The following FGF1 variants were observed in gnomAD, a reference collection of about 807,000 sequenced individuals.
FGF1 encodes the protein fibroblast growth factor 1.
In FGF1, 9 loss-of-function variants were observed where a neutral mutation model predicts 13.4. The ratio of observed to expected loss-of-function variants is 0.67; its 90% CI spans 0.40 to 1.17. The LOEUF is 1.17. Among genes scored for constraint, FGF1 ranks in the 50% most tolerant of loss-of-function variants. FGF1 has a pLI of 0.01. For synonymous variants in FGF1, 93 were observed against 79.0 expected (o/e 1.18, Z -0.94); for missense variants, 156 against 192.7 (o/e 0.81, Z 1.13).
At chr5:142,676,574 A>G (rs1772650704) in intron 1 of FGF1, among the ~76,000 whole-genome samples, 1 of 152,240 alleles carries the variant, frequency 6.6e-6, no homozygotes, top group South Asian at 2.1e-4. Context: ...GTCCCATTCC[A>G]GGGTTCATGC....
intron 2 of FGF1, among the ~76,000 whole-genome samples, chr5:142,607,548 A>G (rs557261093): frequency 1.4e-4 from 22 of 152,334 alleles, no homozygotes; most frequent in African/African-American, 4.8e-4. Context: ...AGGTACTCTA[A>G]CGATAGAAAT....
upstream of FGF1, among the ~76,000 whole-genome samples, chr5:142,687,693 C>T (rs1011748810): frequency 5.3e-5 from 8 of 152,126 alleles, no homozygotes; most frequent in East Asian, 1.9e-4. Context: ...TTTTTAACTA[C>T]GTGAAATGAT....
chr5:142,674,561 A>T (rs572933998), intron 1 of FGF1, among the ~76,000 whole-genome samples: 1 of 152,160 alleles, frequency 6.6e-6, no homozygotes, highest in Non-Finnish European at 1.5e-5. Context: ...TGGGGGAGAG[A>T]TAATGAGAAA....
intron 3 of FGF1, among the ~76,000 whole-genome samples, chr5:142,596,467 G>T (rs373452064): frequency 6.8e-6 from 1 of 146,854 alleles, no homozygotes; most frequent in African/African-American, 2.5e-5. Context: ...AATTAGCTAG[G>T]TGCCATGGTG....
chr5:142,667,473 C>CTACTTGGGAGGCTGAGGCAGGAGAAAGG (rs1770615742), intron 1 of FGF1, among the ~76,000 whole-genome samples: 1 of 150,762 alleles, frequency 6.6e-6, no homozygotes, highest in Non-Finnish European at 1.5e-5. Context: ...GTAGTCCCAG[C>CTACTTGGGAGGCTGAGGCAGGAGAAAGG]TACTTGGGAG....
intron 2 of FGF1, among the ~76,000 whole-genome samples, chr5:142,602,722 T>C (rs546808877): frequency 6.6e-6 from 1 of 152,178 alleles, no homozygotes; most frequent in Admixed American, 6.5e-5. Flanking sequence ...ACCTTGCTTT[T>C]TTTTTTGCTT....
intron 1 of FGF1, among the ~76,000 whole-genome samples, chr5:142,683,641 G>C (rs1294043827): frequency 6.6e-6 from 1 of 151,882 alleles, no homozygotes; most frequent in Non-Finnish European, 1.5e-5. Context: ...TAGCAACATG[G>C]AGAAACCCCG....
In FGF1 at chr5:142,606,787, A is replaced by T. The variant is rs2151845931; in HGVS notation, c.170-5982T>A. ...GAGGAATTGAGGAAATGTTTCCTTC[A>T]TCCTAACTCTATTTCTTTATAAACA... On this transcript the variant is annotated intron_variant, in intron 2 of 3. Transcript: ENST00000337706. Among the ~76,000 whole-genome samples, 5 of 152,356 alleles carry T rather than the reference A, an allele frequency of 3.3e-5. No individual in the cohort carries two copies. The South Asian group carries it at 1.0e-3, about 32-fold the overall frequency.
chr5:142,676,767 G>T (rs1772690538), intron 1 of FGF1, among the ~76,000 whole-genome samples: 1 of 152,210 alleles, frequency 6.6e-6, no homozygotes, highest in Admixed American at 6.5e-5. Context: ...GGACCAGCCT[G>T]GGAGAATGGC....
At chr5:142,656,979 G>A (rs372625657) in intron 1 of FGF1, among the ~76,000 whole-genome samples, 3 of 151,890 alleles carry the variant, frequency 2.0e-5, no homozygotes, top group African/African-American at 4.8e-5. Context: ...GTGCAATGGC[G>A]AGATCTTGGC....
At chr5:142,613,548 C>A (rs148954973) in intron 2 of FGF1, among the ~76,000 whole-genome samples, 153 of 152,396 alleles carry the variant, frequency 1.0e-3, no homozygotes, top group Middle Eastern at 3.4e-3. Context: ...AGTCAGTTGA[C>A]TTGAAACGGA....
chr5:142,610,747 C>T (rs1247275880), intron 2 of FGF1, among the ~76,000 whole-genome samples: 1 of 152,196 alleles, frequency 6.6e-6, no homozygotes, highest in East Asian at 1.9e-4. Context: ...AAACCAAAAC[C>T]ACCTTCTCTG....
chr5:142,601,370 T>TCA (rs1756520363), intron 2 of FGF1, among the ~76,000 whole-genome samples: 1 of 151,990 alleles, frequency 6.6e-6, no homozygotes, highest in South Asian at 2.1e-4. Flanking sequence ...TCCCAGGGAG[T>TCA]TAGGACTGGT....
intron 1 of FGF1, among the ~76,000 whole-genome samples, chr5:142,666,583 A>G (rs1260680898): frequency 6.6e-6 from 1 of 152,244 alleles, no homozygotes; most frequent in African/African-American, 2.4e-5. Context: ...ATGGAGGACA[A>G]AGTGGCATAT....
chr5:142,597,835 G>A (rs981160945), intron 3 of FGF1, among the ~76,000 whole-genome samples: 2 of 152,182 alleles, frequency 1.3e-5, no homozygotes, highest in African/African-American at 4.8e-5. Flanking sequence ...CCCAGACACA[G>A]AGCCTTGCAA....
intron 1 of FGF1, among the ~76,000 whole-genome samples, chr5:142,669,177 G>T (rs1770976285): frequency 6.6e-6 from 1 of 152,210 alleles, no homozygotes. Flanking sequence ...ACTTTTTTCT[G>T]CAAGCAAATG....
upstream of FGF1, among the ~76,000 whole-genome samples, chr5:142,690,346 A>G (rs1024914086): frequency 6.6e-6 from 1 of 152,128 alleles, no homozygotes; most frequent in Non-Finnish European, 1.5e-5. Flanking sequence ...CTGGGGAAAA[A>G]ATAAAAAATA....
chr5:142,677,598 T>C (rs17208887), intron 1 of FGF1, among the ~76,000 whole-genome samples: 7,184 of 152,246 alleles, frequency 0.047, 247 homozygotes, highest in South Asian at 0.099. Flanking sequence ...TGCAAAAGTC[T>C]CAGCTTTACT....
intron 1 of FGF1, among the ~76,000 whole-genome samples, chr5:142,639,646 T>C (rs1419657666): frequency 1.3e-5 from 2 of 151,978 alleles, no homozygotes; most frequent in African/African-American, 2.4e-5. Flanking sequence ...TAGAGATCTA[T>C]CGTACAGCAT....
Sources: allele counts gnomAD v4.1 joint callset (sites outside exome capture counted in the v4.1 genomes callset), GRCh38; gene constraint gnomAD v4.1.1; transcripts MANE v1.5; gene names NCBI Gene and HGNC (gene_info 2026-07-23, HGNC 2026-07-21).